The following RSRC1 variants were observed in gnomAD, a reference collection of about 807,000 sequenced individuals.
RSRC1 encodes serine/Arginine-related protein 53.
Under a neutral mutation model 49.1 loss-of-function variants are expected in RSRC1, and 39 were observed. That is an observed-to-expected ratio of 0.79 (90% CI 0.61 to 1.04). RSRC1 has a LOEUF of 1.04. Ranked by LOEUF, RSRC1 falls within the 50% of genes least tolerant of loss-of-function variation. The pLI is 0.00. For synonymous variants in RSRC1, 143 were observed against 130.8 expected (o/e 1.09, Z -0.63); for missense variants, 388 against 402.4 (o/e 0.96, Z 0.31).
chr3:158,487,010 G>A (rs562208501), intron 7 of RSRC1, among the ~76,000 whole-genome samples: 2 of 152,234 alleles, frequency 1.3e-5, no homozygotes, highest in Admixed American at 1.3e-4. Context: ...AGAATCACTT[G>A]AGAGTTGTTT....
Position 158,539,623 on chromosome 3 carries a change from G to A in RSRC1, c.759+2425G>A, listed in dbSNP as rs773912230. 6.6e-6 allele frequency among the ~76,000 whole-genome samples: 1 copy of A among 151,978 alleles called. No individual in the cohort carries two copies. Among genetic ancestry groups the A allele is most frequent in the Non-Finnish European group, 1.5e-5 (1 of 67,968 alleles). ...ACAAACTAAACCACCAGGTGGCAGC[G>A]CTACTCAAAGCCATATATTTCATAG... On this transcript the variant is annotated intron_variant, in intron 8 of 9. Transcript: ENST00000611884. This position sits in a 1 kb window ranked among gnomAD's most constrained non-coding sequence, Gnocchi z 4.1.
At chr3:158,379,192 C>CT (rs768767131) in intron 6 of RSRC1, among the ~76,000 whole-genome samples, 4,855 of 93,830 alleles carry the variant, frequency 0.052, 767 homozygotes, top group Non-Finnish European at 0.061. Context: ...AGAAATACCA[C>CT]TTTTTTTTTT....
At chr3:158,534,596 G>GA (rs1353820658) in intron 7 of RSRC1, among the ~76,000 whole-genome samples, 1 of 151,500 alleles carries the variant, frequency 6.6e-6, no homozygotes, top group Non-Finnish European at 1.5e-5. Flanking sequence ...GCTAGCATGT[G>GA]AAAAAACTGA....
chr3:158,514,100 C>T (rs555052856), intron 7 of RSRC1, among the ~76,000 whole-genome samples: 3,935 of 152,064 alleles, frequency 0.026, 77 homozygotes, highest in African/African-American at 0.064. Context: ...GAAGGGTTTT[C>T]TGTGTCTCTA....
chr3:158,440,014 C>A lies in RSRC1; in HGVS notation c.584-20921C>A, dbSNP rs183042436. Among the ~76,000 whole-genome samples, 68 of 151,804 alleles carry A rather than the reference C, an allele frequency of 4.5e-4. 1 individual carries two copies. The highest frequency in any genetic ancestry group is 4.3e-3 in the Admixed American group (66 of 15,232). ...AGAGCACTGGGACAAATACCTAATG[C>A]ATGCGGTGCTTAAAATCTGGATGAT... On this transcript the variant is annotated intron_variant, in intron 6 of 9. Transcript: ENST00000611884.
intron 7 of RSRC1, among the ~76,000 whole-genome samples, chr3:158,492,088 A>G (rs1239333034): frequency 1.3e-5 from 2 of 152,206 alleles, no homozygotes; most frequent in Non-Finnish European, 2.9e-5. Context: ...GAAGCAAGGC[A>G]TGTTTTACAT....
chr3:158,369,040 A>G (rs1323944487), intron 6 of RSRC1, among the ~76,000 whole-genome samples: 1 of 152,114 alleles, frequency 6.6e-6, no homozygotes, highest in Non-Finnish European at 1.5e-5. Flanking sequence ...TGAAAGGAGT[A>G]TCAGATCATT....
At chr3:158,327,606 A>G (rs1170050924) in intron 5 of RSRC1, among the ~76,000 whole-genome samples, 7 of 152,066 alleles carry the variant, frequency 4.6e-5, no homozygotes, top group African/African-American at 1.2e-4. Flanking sequence ...ACAGTTTGTT[A>G]TAATTTCTGT....
intron 4 of RSRC1, among the ~76,000 whole-genome samples, chr3:158,265,984 T>C (rs1725152392): frequency 6.6e-6 from 1 of 152,262 alleles, no homozygotes; most frequent in Non-Finnish European, 1.5e-5. Flanking sequence ...GCCTTGATAA[T>C]TTAGCAAAAA....
intron 6 of RSRC1, among the ~76,000 whole-genome samples, chr3:158,444,685 A>G (rs999526254): frequency 5.3e-5 from 8 of 152,150 alleles, no homozygotes; most frequent in Admixed American, 2.0e-4. Flanking sequence ...AAGAGCTTCT[A>G]CACAGCAAAA....
chr3:158,491,522 A>G (rs1247235691), intron 7 of RSRC1, among the ~76,000 whole-genome samples: 1 of 152,204 alleles, frequency 6.6e-6, no homozygotes, highest in Non-Finnish European at 1.5e-5. Context: ...CAAACGAAGA[A>G]TGTTAAGGCT....
intron 6 of RSRC1, among the ~76,000 whole-genome samples, chr3:158,360,615 G>C (rs974427260): frequency 2.6e-5 from 4 of 152,254 alleles, no homozygotes; most frequent in Non-Finnish European, 5.9e-5. Flanking sequence ...GGGGGCTAAG[G>C]CAGCAAAGGG....
Position 158,344,228 on chromosome 3 carries a change from C to G in RSRC1, c.532-10629C>G, listed in dbSNP as rs185512022. Among the ~76,000 whole-genome samples, 169 of 152,222 alleles carry G rather than the reference C, an allele frequency of 1.1e-3. 2 individuals carry two copies. The highest frequency in any genetic ancestry group is 0.011 in the Admixed American group (169 of 15,290). ...GAGCTGAGATAGTGCCATTGCACTTCAGCCTAGCCGACAGAGCAAGACTGC... is the reference window on the plus strand; with the variant it reads ...GAGCTGAGATAGTGCCATTGCACTTGAGCCTAGCCGACAGAGCAAGACTGC... On this transcript the variant is annotated intron_variant, in intron 5 of 9. Coordinates refer to ENST00000611884, the MANE Select transcript of RSRC1 (RefSeq NM_001271838.2).
intron 4 of RSRC1, among the ~76,000 whole-genome samples, chr3:158,270,392 C>G (rs887323286): frequency 1.3e-5 from 2 of 152,132 alleles, no homozygotes; most frequent in Admixed American, 1.3e-4. Flanking sequence ...TGTCCTCACC[C>G]TGTATGGGGA....
At chr3:158,241,295 A>G (rs1723563055) in intron 4 of RSRC1, among the ~76,000 whole-genome samples, 1 of 151,222 alleles carries the variant, frequency 6.6e-6, no homozygotes, top group South Asian at 2.1e-4. Context: ...TAAAAATACA[A>G]AAAAAAAGCT....
intron 5 of RSRC1, among the ~76,000 whole-genome samples, chr3:158,335,356 A>G (rs1434492853): frequency 6.6e-6 from 1 of 152,146 alleles, no homozygotes; most frequent in Admixed American, 6.5e-5. Context: ...AGGGAGGAAA[A>G]TGCAGGGCCT....
chr3:158,324,176 C>G (rs1728932767), intron 5 of RSRC1, among the ~76,000 whole-genome samples: 1 of 152,016 alleles, frequency 6.6e-6, no homozygotes, highest in Non-Finnish European at 1.5e-5. Context: ...ATATGGCTTT[C>G]TATCATTCTT....
At chr3:158,511,740 C>G (rs543248507) in intron 7 of RSRC1, among the ~76,000 whole-genome samples, 3 of 152,266 alleles carry the variant, frequency 2.0e-5, no homozygotes, top group African/African-American at 4.8e-5. Flanking sequence ...GTCCCACCAA[C>G]AGTGTAAAAG....
At position 158,298,042 on chromosome 3, in the gene RSRC1, A is replaced by G. The variant is rs369272492; in HGVS notation, c.498A>G (p.Glu166=). The change falls in exon 5 of 10, where the codon GAA becomes GAG. Residue 166 remains glutamate (E), a synonymous_variant. Coordinates refer to ENST00000611884, the MANE Select transcript of RSRC1 (RefSeq NM_001271838.2). The part of the protein sequence containing the change: ...DKELHNIKRG[E]SGNIKAGLEH... ...AACTTTTACTCTTCTATTTTAGGGA[A>G]TCTGGAAACATCAAAGCTGGATTAG... 3 of 1,602,330 alleles carry G rather than the reference A, an allele frequency of 1.9e-6. No individual in the cohort carries two copies. Among genetic ancestry groups the G allele is most frequent in the Non-Finnish European group, 2.6e-6 (3 of 1,170,182 alleles).
Sources: gnomAD v4.1 joint callset for allele counts (sites outside exome capture counted in the v4.1 genomes callset) on GRCh38, gnomAD v4.1.1 for gene constraint, Gnocchi (gnomAD v3.1) non-coding constraint, MANE v1.5 for transcripts, NCBI Gene and HGNC (gene_info 2026-07-23, HGNC 2026-07-21) for gene names.